The following VOPP1 variants were observed in gnomAD, a reference collection of about 807,000 sequenced individuals.
VOPP1 encodes WW domain binding protein VOPP1.
In VOPP1, 8 loss-of-function variants were observed where a neutral mutation model predicts 23.5. The observed-to-expected ratio is 0.34, with a 90% CI of 0.20 to 0.61. VOPP1 has a LOEUF of 0.61. Among genes scored for constraint, VOPP1 ranks in the 20% least tolerant of loss-of-function variants. The pLI, the probability that VOPP1 is intolerant of heterozygous loss-of-function variation, is 0.78. For synonymous variants in VOPP1, 83 were observed against 97.3 expected (o/e 0.85, Z 0.86); for missense variants, 174 against 238.1 (o/e 0.73, Z 1.77).
At chr7:55,497,580 C>A in intron 3 of VOPP1, 33 bp downstream of exon 3, 4 of 1,229,950 alleles carry the variant, frequency 3.3e-6, no homozygotes, top group Non-Finnish European at 3.5e-6. Context: ...GCAGAGCTCT[C>A]GGGGTAGGGA....
chr7:55,473,373 G>A (rs112061326), intron 4 of VOPP1, among the ~76,000 whole-genome samples: 1,835 of 152,316 alleles, frequency 0.012, 12 homozygotes, highest in Admixed American at 0.021. Context: ...CAGGCTTCGC[G>A]ACTCAGCCTG....
intron 2 of VOPP1, among the ~76,000 whole-genome samples, chr7:55,513,288 T>C (rs1490599016): frequency 6.6e-6 from 1 of 152,186 alleles, no homozygotes; most frequent in Non-Finnish European, 1.5e-5. Context: ...CTCTGGAAAT[T>C]ACAGGTACTA....
intron 1 of VOPP1, among the ~76,000 whole-genome samples, chr7:55,566,933 T>A (rs1386273433): frequency 2.6e-5 from 4 of 152,246 alleles, no homozygotes; most frequent in Admixed American, 2.6e-4. Context: ...CCTGTCATTG[T>A]GATATTTCTG....
intron 1 of VOPP1, among the ~76,000 whole-genome samples, chr7:55,559,920 G>A (rs1005415049): frequency 2.0e-5 from 3 of 152,312 alleles, no homozygotes; most frequent in East Asian, 1.9e-4. Flanking sequence ...GCACGAGGCC[G>A]TGGCAGGCGA....
intron 4 of VOPP1, among the ~76,000 whole-genome samples, chr7:55,486,060 C>A (rs1439272786): frequency 6.6e-6 from 1 of 152,214 alleles, no homozygotes; most frequent in African/African-American, 2.4e-5. Context: ...CAGATGCAGG[C>A]ACCCATGAGT....
chr7:55,511,486 G>A lies in VOPP1; in HGVS notation c.113+9586C>T, dbSNP rs531261454. Among the ~76,000 whole-genome samples the A allele has an allele frequency of 3.3e-5, 5 of 152,282 alleles. No individual in the cohort carries two copies. The South Asian group carries it at 1.0e-3, about 32-fold the overall frequency. On this transcript the variant is annotated intron_variant, in intron 2 of 4. Coordinates refer to ENST00000285279, the MANE Select transcript of VOPP1 (RefSeq NM_030796.5). ...TGAATTATTAAAAATTTGTTTAGGA[G>A]CACAGCTTAAAATTTTAGAATGTGA...
At chr7:55,545,895 C>T (rs976525281) in intron 1 of VOPP1, among the ~76,000 whole-genome samples, 5 of 147,876 alleles carry the variant, frequency 3.4e-5, no homozygotes, top group Non-Finnish European at 7.5e-5. Context: ...ACAGCAAGAC[C>T]CCAACTCTAC....
intron 4 of VOPP1, among the ~76,000 whole-genome samples, chr7:55,459,205 T>C (rs1791441259): frequency 6.6e-6 from 1 of 152,214 alleles, no homozygotes; most frequent in Non-Finnish European, 1.5e-5. Context: ...AAACCATCCT[T>C]GCATCTTTGG....
At chr7:55,553,977 A>G (rs1797716428) in intron 1 of VOPP1, 1 of 152,328 alleles carries the variant, frequency 6.6e-6, no homozygotes, top group Non-Finnish European at 1.5e-5. Context: ...GGAGGGATCC[A>G]TCATGGCAAC....
At chr7:55,516,072 G>A (rs1282815440) in intron 2 of VOPP1, 1 of 948,646 alleles carries the variant, frequency 1.1e-6, no homozygotes, top group East Asian at 1.2e-4. Flanking sequence ...AGGGGCGGGA[G>A]CTGCTGAGGC....
chr7:55,505,683 G>C (rs1426287163), intron 2 of VOPP1, among the ~76,000 whole-genome samples: 1 of 123,556 alleles, frequency 8.1e-6, no homozygotes, highest in Non-Finnish European at 1.7e-5. Context: ...GGGAGGGAGG[G>C]AGGGAGGGAG....
At chr7:55,468,591 G>A (rs1791694874), downstream of VOPP1, among the ~76,000 whole-genome samples, 1 of 152,250 alleles carries the variant, frequency 6.6e-6, no homozygotes. Context: ...ATGAGCGACT[G>A]GATTGCAACT....
At chr7:55,444,557 A>G (rs952107552) in intron 4 of VOPP1, among the ~76,000 whole-genome samples, 7 of 152,122 alleles carry the variant, frequency 4.6e-5, no homozygotes, top group African/African-American at 1.7e-4. Flanking sequence ...CAGGAGGCAG[A>G]GAGGATTGAG....
At chr7:55,458,422 T>C (rs1469769598) in intron 4 of VOPP1, among the ~76,000 whole-genome samples, 1 of 152,158 alleles carries the variant, frequency 6.6e-6, no homozygotes, top group African/African-American at 2.4e-5. Context: ...TGATTTCATA[T>C]GAACTTTGGT....
At chr7:55,561,850 A>G in intron 1 of VOPP1, 2 of 671,194 alleles carry the variant, frequency 3.0e-6, no homozygotes, top group South Asian at 3.2e-5. Context: ...GACTTAACTC[A>G]TACCCAAGTG....
intron 2 of VOPP1, among the ~76,000 whole-genome samples, chr7:55,512,088 C>T (rs965908602): frequency 6.6e-6 from 1 of 152,152 alleles, no homozygotes; most frequent in Non-Finnish European, 1.5e-5. Flanking sequence ...GCATGAGGGG[C>T]TTTGTATACT....
chr7:55,473,220 A>G (rs1260288333), intron 4 of VOPP1, among the ~76,000 whole-genome samples, 175 bp from the exon 5 acceptor site: 2 of 152,178 alleles, frequency 1.3e-5, no homozygotes, highest in African/African-American at 4.8e-5. Flanking sequence ...GCAACACAAT[A>G]GGCAGGTCCC....
intron 1 of VOPP1, among the ~76,000 whole-genome samples, chr7:55,565,956 A>C (rs1300871499): frequency 6.6e-6 from 1 of 152,212 alleles, no homozygotes; most frequent in Non-Finnish European, 1.5e-5. Flanking sequence ...CCCACTTAAC[A>C]CTGGCAGATC....
chr7:55,498,707 T>C (rs765175968), intron 2 of VOPP1, among the ~76,000 whole-genome samples: 13 of 152,216 alleles, frequency 8.5e-5, no homozygotes, highest in Non-Finnish European at 1.5e-4. Context: ...GGGAGAAATA[T>C]ACAATTCAGC....
Sources: gnomAD v4.1 joint callset for allele counts (sites outside exome capture counted in the v4.1 genomes callset) on GRCh38, gnomAD v4.1.1 for gene constraint, MANE v1.5 for transcripts, NCBI Gene and HGNC (gene_info 2026-07-23, HGNC 2026-07-21) for gene names.